The following LHFPL2 variants were observed in gnomAD, a reference collection of about 807,000 sequenced individuals.
LHFPL2 encodes the protein LHFPL tetraspan subfamily member 2 protein.
In LHFPL2, 7 loss-of-function variants were observed where a neutral mutation model predicts 17.5. The observed-to-expected ratio is 0.40, with a 90% CI of 0.23 to 0.75. The LOEUF (loss-of-function observed/expected upper bound fraction) is 0.75, where lower values mean the gene tolerates loss of function less well. LHFPL2 is among the 30% of genes least tolerant of loss of function. The probability of loss-of-function intolerance (pLI) is 0.37; values close to 1 mark genes in which losing one functional copy is unlikely to be tolerated. For synonymous variants in LHFPL2, 134 were observed against 116.2 expected (o/e 1.15, Z -0.99); for missense variants, 241 against 294.8 (o/e 0.82, Z 1.34).
intron 2 of LHFPL2, among the ~76,000 whole-genome samples, chr5:78,596,775 C>A (rs1263845416): frequency 6.6e-6 from 1 of 152,020 alleles, no homozygotes; most frequent in East Asian, 1.9e-4. Context: ...CATTCTGATG[C>A]TGGTAGGTTG....
chr5:78,555,867 TGAG>T (rs962326047), intron 3 of LHFPL2, among the ~76,000 whole-genome samples: 3 of 152,204 alleles, frequency 2.0e-5, no homozygotes, highest in African/African-American at 7.2e-5. Context: ...CCAGGTAGAC[TGAG>T]AAGAAACATC....
At chr5:78,500,623 A>G (rs180952963) in intron 4 of LHFPL2, among the ~76,000 whole-genome samples, 1 of 152,318 alleles carries the variant, frequency 6.6e-6, no homozygotes, top group African/African-American at 2.4e-5. Context: ...TGCTATCTTC[A>G]GTACCAAAAC....
At chr5:78,618,448 G>A (rs1489850516) in intron 2 of LHFPL2, among the ~76,000 whole-genome samples, 1 of 152,174 alleles carries the variant, frequency 6.6e-6, no homozygotes, top group African/African-American at 2.4e-5. Flanking sequence ...CCGGTGGACG[G>A]GCTGGTCTAG....
At chr5:78,585,469 C>T (rs376776165) in intron 2 of LHFPL2, among the ~76,000 whole-genome samples, 11 of 152,040 alleles carry the variant, frequency 7.2e-5, no homozygotes, top group South Asian at 2.1e-4. Context: ...CTTCGGCTCA[C>T]GCACAGTGTG....
intron 3 of LHFPL2, among the ~76,000 whole-genome samples, chr5:78,534,234 A>C (rs2112363298): frequency 6.6e-6 from 1 of 152,284 alleles, no homozygotes; most frequent in South Asian, 2.1e-4. Flanking sequence ...AGAGAACAGG[A>C]GAGGCGGCCC....
At chr5:78,536,269 A>G (rs963936545) in intron 3 of LHFPL2, among the ~76,000 whole-genome samples, 2 of 152,198 alleles carry the variant, frequency 1.3e-5, no homozygotes, top group African/African-American at 2.4e-5. Flanking sequence ...TGTTGCCCCT[A>G]CTGTCCAGAT....
intron 4 of LHFPL2, among the ~76,000 whole-genome samples, chr5:78,500,343 C>T (rs751205942): frequency 2.6e-5 from 4 of 152,276 alleles, no homozygotes; most frequent in African/African-American, 7.2e-5. Context: ...ATCCTTGCAC[C>T]ACTATCCGTG....
chr5:78,593,593 G>GT (rs1743721351), intron 2 of LHFPL2, among the ~76,000 whole-genome samples: 1 of 152,146 alleles, frequency 6.6e-6, no homozygotes, highest in African/African-American at 2.4e-5. Context: ...AAACATATGG[G>GT]TAACAGGTGA....
intron 4 of LHFPL2, among the ~76,000 whole-genome samples, chr5:78,491,500 T>A (rs1344447988): frequency 1.3e-5 from 2 of 151,830 alleles, no homozygotes; most frequent in Non-Finnish European, 2.9e-5. Context: ...AATGAAAGGG[T>A]AGAAATCAAG....
At chr5:78,553,905 T>G (rs1033835982) in intron 3 of LHFPL2, among the ~76,000 whole-genome samples, 1 of 152,238 alleles carries the variant, frequency 6.6e-6, no homozygotes, top group Admixed American at 6.5e-5. Flanking sequence ...GTCCCATTTG[T>G]GATTATAATG....
chr5:78,593,678 T>C (rs1743725159), intron 2 of LHFPL2, among the ~76,000 whole-genome samples: 2 of 152,158 alleles, frequency 1.3e-5, no homozygotes, highest in Admixed American at 6.5e-5. Context: ...ATACACTCTT[T>C]GGGAGAAGAG....
At chr5:78,621,820 C>G (rs1251726107) in intron 2 of LHFPL2, among the ~76,000 whole-genome samples, 2 of 152,152 alleles carry the variant, frequency 1.3e-5, no homozygotes, top group Non-Finnish European at 2.9e-5. Flanking sequence ...TTGCTATTCT[C>G]TCAGGACAAA....
intron 1 of LHFPL2, among the ~76,000 whole-genome samples, chr5:78,647,574 C>CT (rs2112536971): frequency 6.6e-6 from 1 of 152,210 alleles, no homozygotes; most frequent in Non-Finnish European, 1.5e-5. Flanking sequence ...CCGATGGTAA[C>CT]CTACATGCAC....
chr5:78,505,017 G>A (rs1561309842), intron 4 of LHFPL2, among the ~76,000 whole-genome samples: 1 of 152,248 alleles, frequency 6.6e-6, no homozygotes, highest in Non-Finnish European at 1.5e-5. Context: ...CTGTGGAATA[G>A]GCCCAGCCAG....
At chr5:78,522,828 C>T (rs918874481) in intron 3 of LHFPL2, among the ~76,000 whole-genome samples, 1 of 152,100 alleles carries the variant, frequency 6.6e-6, no homozygotes, top group Non-Finnish European at 1.5e-5. Context: ...GTGGGTAGGG[C>T]AGGACTGAGG....
chr5:78,498,406 T>C (rs1317102037), intron 4 of LHFPL2, among the ~76,000 whole-genome samples: 1 of 152,202 alleles, frequency 6.6e-6, no homozygotes, highest in Non-Finnish European at 1.5e-5. Flanking sequence ...TCCCTCTGTT[T>C]TCTACGTTTT....
intron 2 of LHFPL2, among the ~76,000 whole-genome samples, chr5:78,572,737 G>C (rs1757034097): frequency 1.3e-5 from 2 of 152,028 alleles, no homozygotes; most frequent in Admixed American, 1.3e-4. Context: ...AACAGATACG[G>C]AGTTTAATAG....
intron 4 of LHFPL2, among the ~76,000 whole-genome samples, chr5:78,493,674 A>C (rs1754518825): frequency 1.3e-5 from 2 of 152,200 alleles, no homozygotes; most frequent in South Asian, 4.1e-4. Context: ...AGTCAATAAG[A>C]ATGAAATGTG....
chr5:78,639,392 C>A (rs543294180), intron 1 of LHFPL2, among the ~76,000 whole-genome samples: 1 of 152,150 alleles, frequency 6.6e-6, no homozygotes, highest in South Asian at 2.1e-4. Flanking sequence ...CTAAGCACAC[C>A]CACTTACCAA....
Sources: allele counts gnomAD v4.1 joint callset (sites outside exome capture counted in the v4.1 genomes callset), GRCh38; gene constraint gnomAD v4.1.1; transcripts MANE v1.5; gene names NCBI Gene and HGNC (gene_info 2026-07-23, HGNC 2026-07-21).